Variants in TBC1D19 observed in about 807,000 individuals in gnomAD.
TBC1D19 encodes the protein TBC1 domain family member 19, also known as TBC1 domain family, member 19.
A neutral mutation model predicts 89.0 loss-of-function variants in TBC1D19; 60 were observed. The observed-to-expected ratio is 0.67, with a 90% CI of 0.55 to 0.84. The LOEUF is 0.84. TBC1D19 is among the 40% of genes least tolerant of loss of function. The probability of loss-of-function intolerance (pLI) is 0.00; values close to 1 mark genes in which losing one functional copy is unlikely to be tolerated. For synonymous variants in TBC1D19, 189 were observed against 199.7 expected (o/e 0.95, Z 0.45); for missense variants, 500 against 610.8 (o/e 0.82, Z 1.91).
chr4:26,600,968 C>T (rs1467178833), intron 1 of TBC1D19, among the ~76,000 whole-genome samples: 2 of 152,170 alleles, frequency 1.3e-5, no homozygotes, highest in African/African-American at 4.8e-5. Flanking sequence ...TTGAGCCTCT[C>T]ATCTGTGGTA....
At chr4:26,650,830 G>C (rs1224969313) in intron 7 of TBC1D19, among the ~76,000 whole-genome samples, 2 of 152,026 alleles carry the variant, frequency 1.3e-5, no homozygotes, top group East Asian at 3.9e-4. Flanking sequence ...TTTCTTCTAG[G>C]GTTTTTATGG....
the TBC1D19 span, among the ~76,000 whole-genome samples, chr4:26,787,290 C>T: frequency 3.3e-5 from 5 of 152,026 alleles, no homozygotes; most frequent in East Asian, 3.9e-4. Context: ...TTAATAGAGA[C>T]GGGGTTTCAC....
At chr4:26,676,456 GCCTGTAATC>G (rs544191349) in intron 11 of TBC1D19, among the ~76,000 whole-genome samples, 39 of 152,246 alleles carry the variant, frequency 2.6e-4, no homozygotes, top group African/African-American at 9.4e-4. Context: ...AGTGGCTCAG[GCCTGTAATC>G]CCAGCATTTT....
chr4:26,827,540 G>T, the TBC1D19 span, among the ~76,000 whole-genome samples: 8 of 152,174 alleles, frequency 5.3e-5, no homozygotes, highest in African/African-American at 1.9e-4. Context: ...GGAGGCAGAG[G>T]TTGCAGTGAG....
At chr4:26,824,596 T>G in the TBC1D19 span, among the ~76,000 whole-genome samples, 1 of 152,226 alleles carries the variant, frequency 6.6e-6, no homozygotes, top group African/African-American at 2.4e-5. Context: ...TATGAACTTC[T>G]ACAACATAGT....
At chr4:26,764,459 C>T in the TBC1D19 span, among the ~76,000 whole-genome samples, 3 of 152,234 alleles carry the variant, frequency 2.0e-5, no homozygotes, top group East Asian at 5.8e-4. Context: ...GCTGAGGAGC[C>T]CATGACTAAC....
chr4:26,580,942 A>G (rs1234568937), upstream of TBC1D19, among the ~76,000 whole-genome samples: 1 of 152,196 alleles, frequency 6.6e-6, no homozygotes, highest in African/African-American at 2.4e-5. Flanking sequence ...AGAATAGATC[A>G]AACCAAGCAG....
At chr4:26,631,503 A>G (rs1742804955) in intron 4 of TBC1D19, among the ~76,000 whole-genome samples, 1 of 152,118 alleles carries the variant, frequency 6.6e-6, no homozygotes, top group Admixed American at 6.6e-5. Flanking sequence ...TTAAAAACTC[A>G]GATAATATAC....
At chr4:26,639,338 G>A (rs1035288091) in intron 6 of TBC1D19, among the ~76,000 whole-genome samples, 42 of 152,176 alleles carry the variant, frequency 2.8e-4, no homozygotes, top group African/African-American at 9.4e-4. Flanking sequence ...GGGATTACAG[G>A]TGTGAGCCAC....
the TBC1D19 span, among the ~76,000 whole-genome samples, chr4:26,775,106 G>C: frequency 6.6e-6 from 1 of 152,034 alleles, no homozygotes; most frequent in East Asian, 1.9e-4. Flanking sequence ...TAATAATTTA[G>C]GGCAGTACTG....
At chr4:26,604,263 C>G (rs948501080) in intron 1 of TBC1D19, among the ~76,000 whole-genome samples, 16 of 149,466 alleles carry the variant, frequency 1.1e-4, no homozygotes, top group African/African-American at 3.7e-4. Context: ...ACGCCATTCT[C>G]CTGCCTCAGC....
At chr4:26,822,888 C>A in the TBC1D19 span, among the ~76,000 whole-genome samples, 1 of 152,180 alleles carries the variant, frequency 6.6e-6, no homozygotes, top group Non-Finnish European at 1.5e-5. Flanking sequence ...AGCAGGGATC[C>A]AGTCCCACCC....
intron 18 of TBC1D19, 36 bp downstream of exon 18, chr4:26,742,635 G>A: frequency 6.4e-7 from 1 of 1,563,214 alleles, no homozygotes; most frequent in Non-Finnish European, 8.8e-7. Flanking sequence ...AGAATAGATA[G>A]TTTCACAGAA....
At chr4:26,723,460 T>C (rs1457711774) in intron 15 of TBC1D19, among the ~76,000 whole-genome samples, 3 of 152,152 alleles carry the variant, frequency 2.0e-5, no homozygotes, top group African/African-American at 4.8e-5. Context: ...CACACTCTCA[T>C]TCCCTGACCA....
intron 19 of TBC1D19, among the ~76,000 whole-genome samples, chr4:26,749,034 T>C (rs947667476): frequency 7.2e-5 from 11 of 152,224 alleles, no homozygotes; most frequent in African/African-American, 2.7e-4. Flanking sequence ...TCTGACTTCC[T>C]CCCTGGTGGC....
chr4:26,592,659 T>C (rs1246935708), intron 1 of TBC1D19, among the ~76,000 whole-genome samples: 3 of 151,874 alleles, frequency 2.0e-5, no homozygotes, highest in Middle Eastern at 3.4e-3. Context: ...ACAAAATCAA[T>C]GTACAAAAAT....
chr4:26,807,847 G>A, the TBC1D19 span, among the ~76,000 whole-genome samples: 1 of 152,238 alleles, frequency 6.6e-6, no homozygotes, highest in African/African-American at 2.4e-5. Context: ...AGGTACCTAT[G>A]CTATGCGAGG....
At chr4:26,750,022 G>T (rs1167484362) in intron 19 of TBC1D19, among the ~76,000 whole-genome samples, 1 of 152,134 alleles carries the variant, frequency 6.6e-6, no homozygotes, top group African/African-American at 2.4e-5. Context: ...TCTAAACATT[G>T]TTCACAAGCC....
the TBC1D19 span, among the ~76,000 whole-genome samples, chr4:26,775,840 ATTC>A: frequency 6.6e-6 from 1 of 152,122 alleles, no homozygotes; most frequent in African/African-American, 2.4e-5. Context: ...GTATCTTATT[ATTC>A]TTCAAAGGTG....
Sources: allele counts gnomAD v4.1 joint callset (sites outside exome capture counted in the v4.1 genomes callset), GRCh38; gene constraint gnomAD v4.1.1; transcripts MANE v1.5; gene names NCBI Gene and HGNC (gene_info 2026-07-23, HGNC 2026-07-21).